The following F7 variants were observed in gnomAD, a reference collection of about 807,000 sequenced individuals.
The protein encoded by F7 is coagulation factor VII.
A neutral mutation model predicts 47.5 loss-of-function variants in F7; 38 were observed. That is an observed-to-expected ratio of 0.80 (90% CI 0.62 to 1.05). The LOEUF (loss-of-function observed/expected upper bound fraction) is 1.05, where lower values mean the gene tolerates loss of function less well. Among genes scored for constraint, F7 ranks in the 50% least tolerant of loss-of-function variants. F7 has a pLI of 0.00. For missense variants in F7, 575 were observed against 605.4 expected (o/e 0.95, Z 0.53); for synonymous variants, 244 against 258.5 (o/e 0.94, Z 0.54).
intron 6 of F7, 100 bp downstream of exon 6, chr13:113,116,975 C>A: frequency 1.0e-6 from 1 of 958,108 alleles, no homozygotes; most frequent in Non-Finnish European, 1.7e-6. Flanking sequence ...AGGTCAGCCC[C>A]AAGCCCACCA....
chr13:113,107,314 G>C (rs111565637), intron 1 of F7, among the ~76,000 whole-genome samples: 2 of 110,692 alleles, frequency 1.8e-5, no homozygotes, highest in Non-Finnish European at 3.9e-5. Flanking sequence ...CGGGGGCGTG[G>C]GTGTCCCGGG....
chr13:113,110,616 G>T, intron 1 of F7, 74 bp from the exon 2 acceptor site: 1 of 1,534,674 alleles, frequency 6.5e-7, no homozygotes, highest in Non-Finnish European at 8.8e-7. Flanking sequence ...CCCCCGCCGC[G>T]TGGGCCGTGG....
At chr13:113,106,225 A>T (rs907880108) in intron 1 of F7, among the ~76,000 whole-genome samples, 4 of 134,448 alleles carry the variant, frequency 3.0e-5, no homozygotes, top group African/African-American at 1.2e-4. Flanking sequence ...CTCAGAGTGC[A>T]GGAAGTGCGC....
Position 113,115,645 on chromosome 13 carries a change from C to T in F7, c.365-15C>T, listed in dbSNP as rs1418491314. The T allele has an allele frequency of 1.2e-6, 2 of 1,611,774 alleles. No individual in the cohort carries two copies. Among genetic ancestry groups the T allele is most frequent in the South Asian group, 2.2e-5 (2 of 90,806 alleles). On this transcript the variant is annotated splice_polypyrimidine_tract_variant and intron_variant, in intron 4 of 7. Coordinates refer to ENST00000346342, the MANE Select transcript of F7 (RefSeq NM_019616.4). ...CCCAGAAGCCCCTCTCAGGGTGTCC[C>T]CTTCCTGTCCCCAGACAAGGATGAC...
At chr13:113,112,305 C>G (rs1430753050) in intron 2 of F7, among the ~76,000 whole-genome samples, 15 of 147,170 alleles carry the variant, frequency 1.0e-4, no homozygotes, top group Non-Finnish European at 2.1e-4. Context: ...GGTCACCTTA[C>G]TCTCACAGGA....
At position 113,118,702 on chromosome 13, in the gene F7, G is replaced by C; in HGVS notation, c.1029G>C (p.Leu343=). The C allele has an allele frequency of 6.2e-7, 1 of 1,612,986 alleles. No homozygotes were observed. The highest frequency in any genetic ancestry group is 8.5e-7 in the Non-Finnish European group (1 of 1,179,960). ...TCATGGTCCTCAACGTGCCCCGGCT[G>C]ATGACCCAGGACTGCCTGCAGCAGT... ...LELMVLNVPR[L]MTQDCLQQSR... Residue 343 remains leucine (L), a synonymous_variant, in exon 8 of 8, where the codon CTG becomes CTC. Transcript: ENST00000346342.
intron 7 of F7, 96 bp from the exon 8 acceptor site, chr13:113,118,317 C>T: frequency 1.8e-5 from 25 of 1,352,942 alleles, no homozygotes; most frequent in Non-Finnish European, 2.5e-5. Flanking sequence ...GACTGCAGCC[C>T]CTGCAGACCT....
At position 113,118,690 on chromosome 13, in the gene F7, C is replaced by T. The variant is rs754192993; in HGVS notation, c.1017C>T (p.Asn339=). 1.1e-5 allele frequency: 18 copies of T among 1,612,900 alleles called. No homozygotes were observed. Among genetic ancestry groups the T allele is most frequent in the South Asian group, 3.3e-5 (3 of 91,064 alleles). ...CGGCCCTGGAGCTCATGGTCCTCAA[C>T]GTGCCCCGGCTGATGACCCAGGACT... ...GATALELMVL[N]VPRLMTQDCL... is the part of the protein sequence containing the mutation. The change falls in exon 8 of 8, where the codon AAC becomes AAT. Residue 339 remains asparagine (N), a synonymous_variant. Transcript: ENST00000346342.
chr13:113,112,599 C>A (rs1322038621), intron 2 of F7, among the ~76,000 whole-genome samples: 2 of 144,554 alleles, frequency 1.4e-5, no homozygotes, highest in African/African-American at 2.6e-5. Context: ...CCACAGGACA[C>A]CTCACAGAGG....
intron 1 of F7, 68 bp from the exon 2 acceptor site, chr13:113,110,622 C>G: frequency 2.6e-6 from 4 of 1,538,788 alleles, no homozygotes; most frequent in Non-Finnish European, 3.5e-6. Flanking sequence ...CCGCGTGGGC[C>G]GTGGGGCGGT....
intron 1 of F7, 187 bp from the exon 2 acceptor site, chr13:113,110,503 G>A: frequency 2.8e-6 from 2 of 717,876 alleles, no homozygotes; most frequent in Non-Finnish European, 4.4e-6. Flanking sequence ...GGGAAGGATG[G>A]GCGACGGGGG....
rs2142235248 is a variant in F7, at chr13:113,119,093, A to T, written c.*85A>T. ...AATCCCATATATTCTTCTGCAGTTA[A>T]TGGGGTAGAGGAGGGCATGGGAGGG... On this transcript the variant is annotated 3_prime_UTR_variant, in exon 8 of 8. Coordinates refer to ENST00000346342, the MANE Select transcript of F7 (RefSeq NM_019616.4). 90 of 698,046 alleles carry T rather than the reference A, an allele frequency of 1.3e-4. No individual in the cohort carries two copies. Among genetic ancestry groups the T allele is most frequent in the East Asian group, 3.0e-4 (6 of 19,994 alleles). 43.2% of individuals were successfully genotyped at this position (698,046 alleles called of 1,614,324 possible).
In F7 at chr13:113,119,553, G is replaced by A. The variant is rs2036264696; in HGVS notation, c.*545G>A. 1.1e-5 allele frequency: 2 copies of A among 179,114 alleles called. No homozygotes were observed. The highest frequency in any genetic ancestry group is 2.7e-4 in the South Asian group (2 of 7,496). 11.1% of individuals were successfully genotyped at this position (179,114 alleles called of 1,614,324 possible). A position where few individuals can be genotyped will look rare whatever the true frequency, so the allele number is the denominator to read the frequency against. ...CACAGAGATACGCAAACACACCGAT[G>A]CACACGCACATAGAGATATGCACAC... On this transcript the variant is annotated 3_prime_UTR_variant, in exon 8 of 8. Coordinates refer to ENST00000346342, the MANE Select transcript of F7 (RefSeq NM_019616.4).
At chr13:113,107,956 C>A (rs1387898711) in intron 1 of F7, among the ~76,000 whole-genome samples, 6 of 37,758 alleles carry the variant, frequency 1.6e-4, no homozygotes, top group East Asian at 1.8e-3. Context: ...GTCCCGGGGG[C>A]GTGGGTGTCC....
chr13:113,116,907 C>A, intron 6 of F7, 32 bp downstream of exon 6: 1 of 1,530,832 alleles, frequency 6.5e-7, no homozygotes, highest in Non-Finnish European at 9.1e-7. Context: ...GGATTCCAAG[C>A]CCTGAGGGTC....
intron 2 of F7, 24 bp downstream of exon 2, chr13:113,110,874 C>G (rs930862457): frequency 1.9e-6 from 3 of 1,550,222 alleles, no homozygotes; most frequent in Admixed American, 3.9e-5. Context: ...CGGGGCGCCC[C>G]GCGCCGCGGA....
intron 2 of F7, among the ~76,000 whole-genome samples, chr13:113,112,067 T>G (rs2036109415): frequency 1.5e-5 from 2 of 130,176 alleles, no homozygotes; most frequent in South Asian, 2.6e-4. Flanking sequence ...CGGGGCACAC[T>G]TCACACTCAC....
chr13:113,116,286 C>T, intron 5 of F7, among the ~76,000 whole-genome samples: 1 of 152,252 alleles, frequency 6.6e-6, no homozygotes. Flanking sequence ...GGCGGACGTG[C>T]CCACCCTGGC....
chr13:113,117,061 G>T, intron 6 of F7, 186 bp downstream of exon 6: 1 of 635,618 alleles, frequency 1.6e-6, no homozygotes. Flanking sequence ...AAGGAGAAAA[G>T]AAAACGACAC....
Sources: allele counts gnomAD v4.1 joint callset (sites outside exome capture counted in the v4.1 genomes callset), GRCh38; gene constraint gnomAD v4.1.1; transcripts MANE v1.5; gene names NCBI Gene and HGNC (gene_info 2026-07-23, HGNC 2026-07-21).